Variants in XKR4 observed in about 807,000 individuals in gnomAD.
XKR4 encodes XK-related protein 4.
A neutral mutation model predicts 53.9 loss-of-function variants in XKR4; 12 were observed. That is an observed-to-expected ratio of 0.22 (90% confidence interval 0.14 to 0.36). The LOEUF (loss-of-function observed/expected upper bound fraction) is 0.36, where lower values mean the gene tolerates loss of function less well. Ranked by LOEUF, XKR4 falls within the 10% of genes least tolerant of loss-of-function variation. The pLI is 1.00. For missense variants in XKR4, 799 were observed against 859.5 expected (o/e 0.93, Z 0.88); for synonymous variants, 354 against 362.4 (o/e 0.98, Z 0.26).
chr8:55,526,401 A>G lies in XKR4; in HGVS notation c.*2174A>G, dbSNP rs1055599125. 2.6e-5 allele frequency: 4 copies of G among 152,188 alleles called. No homozygotes were observed. The highest frequency in any genetic ancestry group is 6.5e-5 in the Admixed American group (1 of 15,274). The allele number at this position is 152,188 out of a possible 1,614,324, so 9.4% of individuals were successfully genotyped here. A position where few individuals can be genotyped will look rare whatever the true frequency, so the allele number is the denominator to read the frequency against. On this transcript the variant is annotated 3_prime_UTR_variant, in exon 3 of 3. Transcript: ENST00000327381. The stretch of plus-strand genomic sequence containing the variant: ...ATACTTCCTAGTACTCCATGATTTG[A>G]TCCTCCAAGCAAGATTTCCACTAAA...
chr8:55,126,121 AGAAG>A (rs1319272397), intron 1 of XKR4, among the ~76,000 whole-genome samples: 1 of 152,236 alleles, frequency 6.6e-6, no homozygotes, highest in African/African-American at 2.4e-5. Flanking sequence ...AATAAAAGAA[AGAAG>A]GAAGGAAGAG....
intron 2 of XKR4, among the ~76,000 whole-genome samples, chr8:55,463,621 A>G (rs1347412022): frequency 6.6e-6 from 1 of 152,124 alleles, no homozygotes; most frequent in East Asian, 1.9e-4. Context: ...GAAATAACTA[A>G]TATCAGAGCA....
intron 1 of XKR4, among the ~76,000 whole-genome samples, chr8:55,311,398 A>T (rs939682598): frequency 7.9e-5 from 12 of 152,142 alleles, no homozygotes; most frequent in African/African-American, 2.9e-4. Context: ...AGTCAAGCAA[A>T]ATAGGGAAGT....
At chr8:55,466,780 T>G (rs1399981739) in intron 2 of XKR4, among the ~76,000 whole-genome samples, 1 of 152,142 alleles carries the variant, frequency 6.6e-6, no homozygotes, top group Non-Finnish European at 1.5e-5. Context: ...AGTTTTAGGT[T>G]GTTTCTGGTC....
At chr8:55,252,279 C>T (rs1818371852) in intron 1 of XKR4, among the ~76,000 whole-genome samples, 1 of 152,216 alleles carries the variant, frequency 6.6e-6, no homozygotes. Context: ...TTCTTGCCAT[C>T]AAGTTGGGCA....
intron 2 of XKR4, among the ~76,000 whole-genome samples, chr8:55,436,154 C>T (rs1168849772): frequency 6.6e-6 from 1 of 152,044 alleles, no homozygotes; most frequent in Non-Finnish European, 1.5e-5. Flanking sequence ...CAAAGTGAAC[C>T]ATATAATATA....
intron 1 of XKR4, among the ~76,000 whole-genome samples, chr8:55,205,530 G>A (rs1020639943): frequency 2.6e-5 from 4 of 152,196 alleles, no homozygotes; most frequent in African/African-American, 9.6e-5. Flanking sequence ...TATTTTCTTG[G>A]GGATACTGGC....
intron 1 of XKR4, among the ~76,000 whole-genome samples, chr8:55,197,150 A>T (rs1224610437): frequency 6.6e-6 from 1 of 152,200 alleles, no homozygotes; most frequent in Non-Finnish European, 1.5e-5. Flanking sequence ...AATGCCACTG[A>T]TGCTTTGGGG....
chr8:55,289,305 T>G (rs1468262972), intron 1 of XKR4, among the ~76,000 whole-genome samples: 1 of 151,598 alleles, frequency 6.6e-6, no homozygotes, highest in Non-Finnish European at 1.5e-5. Flanking sequence ...TCACTTGAGG[T>G]CAGGAGTTTG....
chr8:55,292,801 C>T (rs1369211049), intron 1 of XKR4, among the ~76,000 whole-genome samples: 1 of 152,104 alleles, frequency 6.6e-6, no homozygotes, highest in African/African-American at 2.4e-5. Context: ...ACTGTGTTAA[C>T]TATGTGTCAT....
chr8:55,286,647 G>C (rs929433953), intron 1 of XKR4, among the ~76,000 whole-genome samples: 1 of 152,228 alleles, frequency 6.6e-6, no homozygotes, highest in Non-Finnish European at 1.5e-5. Context: ...TCTGGAAACA[G>C]ATTTACATGC....
At chr8:55,391,275 T>C (rs1804439687) in intron 2 of XKR4, among the ~76,000 whole-genome samples, 1 of 152,140 alleles carries the variant, frequency 6.6e-6, no homozygotes. Flanking sequence ...ACCCTAAAGA[T>C]ACACCTCCCA....
chr8:55,402,158 C>G lies in XKR4; in HGVS notation c.1006+44281C>G, dbSNP rs538639581. 1.0e-3 allele frequency among the ~76,000 whole-genome samples: 156 copies of G among 152,248 alleles called. 2 individuals are homozygous for G. Among genetic ancestry groups the G allele is most frequent in the African/African-American group, 3.6e-3 (148 of 41,538 alleles). ...AAATGTCTTAGAATTATTATAAAAA[C>G]AGTTTTTACTTCAAAGACCCTTGGG... is the stretch of plus-strand genomic sequence containing the variant. On this transcript the variant is annotated intron_variant, in intron 2 of 2. Coordinates refer to ENST00000327381, the MANE Select transcript of XKR4 (RefSeq NM_052898.2).
chr8:55,453,139 C>A (rs1211181354), intron 2 of XKR4: 3 of 525,778 alleles, frequency 5.7e-6, no homozygotes, highest in African/African-American at 1.9e-5. Context: ...CACGGCCTCC[C>A]AGAACTGTGG....
rs773035244 is a variant in XKR4, at chr8:55,535,872, CCT to C, written c.*11646_*11647del. 3 of 152,356 alleles carry C rather than the reference CCT, an allele frequency of 2.0e-5. No homozygotes were observed. The highest frequency in any genetic ancestry group is 2.1e-4 in the South Asian group (1 of 4,822). The allele number at this position is 152,356 out of a possible 1,614,324, so 9.4% of individuals were successfully genotyped here. On this transcript the variant is annotated 3_prime_UTR_variant, in exon 3 of 3. Coordinates refer to ENST00000327381, the MANE Select transcript of XKR4 (RefSeq NM_052898.2). ...ACTCTGTCATTAGGGGAACCCACCC[CCT>C]GTGATAGTTCTCCTTGACCACTGGT...
At chr8:55,480,559 A>C (rs1004394667) in intron 2 of XKR4, among the ~76,000 whole-genome samples, 3 of 152,132 alleles carry the variant, frequency 2.0e-5, no homozygotes, top group African/African-American at 7.2e-5. Context: ...CAGGGCAATC[A>C]GGCAGGAGAA....
At chr8:55,304,303 G>T (rs1373071248) in intron 1 of XKR4, among the ~76,000 whole-genome samples, 1 of 152,110 alleles carries the variant, frequency 6.6e-6, no homozygotes, top group African/African-American at 2.4e-5. Context: ...GTAGTTGAGC[G>T]GTTTTGAGTG....
rs1447597460 is a variant in XKR4 at position 55,535,252 on chromosome 8, T to A, written c.*11025T>A. On this transcript the variant is annotated 3_prime_UTR_variant, in exon 3 of 3. Coordinates refer to ENST00000327381, the MANE Select transcript of XKR4 (RefSeq NM_052898.2). ...AATTTTATTATTATTATACTTTAAG[T>A]TTTAGGGTACATGTGCACAACGTGC... 9 of 151,704 alleles carry A rather than the reference T, an allele frequency of 5.9e-5. No individual in the cohort carries two copies. The highest frequency in any genetic ancestry group is 1.5e-5 in the Non-Finnish European group (1 of 67,984). The allele number at this position is 151,704 out of a possible 1,614,324, so 9.4% of individuals were successfully genotyped here. A position where few individuals can be genotyped will look rare whatever the true frequency, so the allele number is the denominator to read the frequency against.
intron 2 of XKR4, among the ~76,000 whole-genome samples, chr8:55,434,993 C>A (rs766944240): frequency 2.0e-5 from 3 of 152,050 alleles, no homozygotes; most frequent in Non-Finnish European, 2.9e-5. Flanking sequence ...TACACACACA[C>A]AAGCATGCCT....
Sources: allele counts gnomAD v4.1 joint callset (sites outside exome capture counted in the v4.1 genomes callset), GRCh38; gene constraint gnomAD v4.1.1; transcripts MANE v1.5; gene names NCBI Gene and HGNC (gene_info 2026-07-23, HGNC 2026-07-21).